Variants in GUSB observed in about 807,000 individuals in gnomAD.
The protein encoded by GUSB is beta-glucuronidase.
In GUSB, 51 loss-of-function variants were observed where a neutral mutation model predicts 74.6. That is an observed-to-expected ratio of 0.68 (90% CI 0.55 to 0.86). The LOEUF is 0.86. Ranked by LOEUF, GUSB falls within the 40% of genes least tolerant of loss-of-function variation. The probability of loss-of-function intolerance (pLI) is 0.00; values close to 1 mark genes in which losing one functional copy is unlikely to be tolerated. For missense variants in GUSB, 736 were observed against 853.7 expected (o/e 0.86, Z 1.72); for synonymous variants, 360 against 348.3 (o/e 1.03, Z -0.37).
chr7:65,980,185 G>GGGGGGGCCCCCCCCCC, intron 2 of GUSB, 39 bp downstream of exon 2: 2 of 725,274 alleles, frequency 2.8e-6, no homozygotes, highest in Non-Finnish European at 4.9e-6. Context: ...CAGCAGCCGT[G>GGGGGGGCCCCCCCCCC]CCCCCCCACC....
chr7:65,980,185 G>GGGGGGGGGCCCCCCCCCCCCCCCCCC, intron 2 of GUSB, 39 bp downstream of exon 2: 1 of 725,274 alleles, frequency 1.4e-6, no homozygotes, highest in Non-Finnish European at 2.4e-6. Flanking sequence ...CAGCAGCCGT[G>GGGGGGGGGCCCCCCCCCCCCCCCCCC]CCCCCCCACC....
In GUSB at chr7:65,976,010, A is replaced by G. The variant is rs779699231; in HGVS notation, c.912+5T>C. The G allele has an allele frequency of 5.6e-6, 9 of 1,612,998 alleles. No homozygotes were observed. In the South Asian group the frequency reaches 9.9e-5, roughly 18 times the overall value. On this transcript the variant is annotated splice_donor_5th_base_variant and intron_variant, in intron 5 of 11. Coordinates refer to ENST00000304895, the MANE Select transcript of GUSB (RefSeq NM_000181.4). ...TCCCTTAGGCATGTCCCAAACCACC[A>G]TTACCTCCAATGAATACAGATAGGC... is the stretch of plus-strand genomic sequence containing the variant.
At position 65,967,788 on chromosome 7, in the gene GUSB, A is replaced by G. The variant is rs1790931485; in HGVS notation, c.1596T>C (p.Tyr532=). The G allele has an allele frequency of 5.0e-6, 8 of 1,613,216 alleles. No homozygotes were observed. Among genetic ancestry groups the G allele is most frequent in the Non-Finnish European group, 5.9e-6 (7 of 1,179,810 alleles). The change falls in exon 10 of 12, where the codon TAT becomes TAC. Residue 532 remains tyrosine, a synonymous_variant. Transcript: ENST00000304895. ...ACTCGCTCTGAATAATGGGCTTCTG[A>G]TACTTCTTATACCAGTTCTCAAACT... ...ATQFENWYKK[Y]QKPIIQSEYG...
At chr7:65,980,093 C>T (rs1211831012) in intron 2 of GUSB, 131 bp downstream of exon 2, 2 of 1,025,224 alleles carry the variant, frequency 2.0e-6, no homozygotes, top group Non-Finnish European at 2.9e-6. Flanking sequence ...GGCACAGCCC[C>T]CAGGGCAGGG....
chr7:65,963,028 T>C (rs575941320), intron 11 of GUSB, among the ~76,000 whole-genome samples: 1 of 152,104 alleles, frequency 6.6e-6, no homozygotes, highest in African/African-American at 2.4e-5. Context: ...CCGGCTAATT[T>C]TGTATTTTTA....
At position 65,963,068 on chromosome 7, in the gene GUSB, T is replaced by G. The variant is rs541343440; in HGVS notation, c.1789+1255A>C. Among the ~76,000 whole-genome samples the G allele has an allele frequency of 2.6e-5, 4 of 152,092 alleles. No individual in the cohort carries two copies. The South Asian group carries it at 6.2e-4, about 24-fold the overall frequency. ...AGATGGGGTTTCTCCATGTTGGCCA[T>G]GCTGGTCTCAAACTCCTGACCTCAG... On this transcript the variant is annotated intron_variant, in intron 11 of 11. Transcript: ENST00000304895.
At chr7:65,969,137 T>C (rs1051673111) in intron 9 of GUSB, among the ~76,000 whole-genome samples, 5 of 152,126 alleles carry the variant, frequency 3.3e-5, no homozygotes, top group Non-Finnish European at 7.4e-5. Flanking sequence ...TCCCAGCACG[T>C]TGGGAGGCCA....
At chr7:65,971,838 C>G (rs1225478995) in intron 8 of GUSB, among the ~76,000 whole-genome samples, 1 of 151,656 alleles carries the variant, frequency 6.6e-6, no homozygotes, top group African/African-American at 2.4e-5. Flanking sequence ...GTTGGGAGTT[C>G]GAGACCAGCC....
At chr7:65,973,707 A>C (rs1404950080) in intron 8 of GUSB, among the ~76,000 whole-genome samples, 1 of 152,208 alleles carries the variant, frequency 6.6e-6, no homozygotes, top group Non-Finnish European at 1.5e-5. Flanking sequence ...CAGTGAGCTG[A>C]GATCATGCCC....
At chr7:65,966,344 G>T (rs544833190) in intron 10 of GUSB, among the ~76,000 whole-genome samples, 17 of 152,244 alleles carry the variant, frequency 1.1e-4, no homozygotes, top group South Asian at 4.1e-4. Flanking sequence ...GCTGTTCCCT[G>T]TGTGTCAACC....
intron 9 of GUSB, among the ~76,000 whole-genome samples, chr7:65,968,145 C>A (rs1432400181): frequency 6.7e-6 from 1 of 149,314 alleles, no homozygotes; most frequent in African/African-American, 2.5e-5. Context: ...GTAATCCCAG[C>A]ACATTGGGAG....
At chr7:65,970,878 G>C (rs1041388363) in intron 8 of GUSB, among the ~76,000 whole-genome samples, 13 of 151,352 alleles carry the variant, frequency 8.6e-5, no homozygotes, top group African/African-American at 2.9e-4. Context: ...CACAGAGCAA[G>C]ACCCTGTCTC....
intron 9 of GUSB, 93 bp from the exon 10 acceptor site, chr7:65,968,000 A>AT: frequency 9.5e-7 from 1 of 1,053,824 alleles, no homozygotes; most frequent in Non-Finnish European, 1.4e-6. Flanking sequence ...AGAGAAGGTA[A>AT]GGGGGATGTA....
At chr7:65,962,908 G>T (rs1447534411) in intron 11 of GUSB, among the ~76,000 whole-genome samples, 1 of 152,004 alleles carries the variant, frequency 6.6e-6, no homozygotes, top group African/African-American at 2.4e-5. Context: ...GCTCAAGCTG[G>T]AGTACAGTGC....
intron 11 of GUSB, among the ~76,000 whole-genome samples, chr7:65,962,355 G>C (rs1790554774): frequency 6.6e-6 from 1 of 152,178 alleles, no homozygotes; most frequent in Non-Finnish European, 1.5e-5. Context: ...TCTGTCCCCA[G>C]TAAGACCACC....
Position 65,982,153 on chromosome 7 carries a change from C to T in GUSB, c.31G>A (p.Ala11Thr). ...CAGCCCCACAACAACGGCCCGAGCG[C>T]CGCCCAGGCAACCGCCGACCCCCGG... MARGSAVAWA[A>T]LGPLLWGCAL... The change falls in exon 1 of 12, where the codon GCG becomes ACG. Residue 11 changes from alanine to threonine, a missense_variant. Coordinates refer to ENST00000304895, the MANE Select transcript of GUSB (RefSeq NM_000181.4). 6 of 1,529,924 alleles carry T rather than the reference C, an allele frequency of 3.9e-6. No homozygotes were observed. The highest frequency in any genetic ancestry group is 5.3e-6 in the Non-Finnish European group (6 of 1,137,964). The allele number at this position is 1,529,924 out of a possible 1,614,324, so 94.8% of individuals were successfully genotyped here.
intron 4 of GUSB, 95 bp downstream of exon 4, chr7:65,979,304 G>A: frequency 8.2e-7 from 1 of 1,223,272 alleles, no homozygotes; most frequent in Non-Finnish European, 1.2e-6. Context: ...GTGTAGAGAT[G>A]CTGGGAGCAC....
chr7:65,981,817 C>G (rs746817056), intron 1 of GUSB, 157 bp downstream of exon 1: 1 of 639,390 alleles, frequency 1.6e-6, no homozygotes, highest in African/African-American at 1.9e-5. Context: ...CCTGTTCCCC[C>G]GTCCCCCAAG....
chr7:65,980,031 G>C lies in GUSB; in HGVS notation c.397-120C>G, dbSNP rs548022773. On this transcript the variant is annotated intron_variant, in intron 2 of 11. Coordinates refer to ENST00000304895, the MANE Select transcript of GUSB (RefSeq NM_000181.4). The stretch of plus-strand genomic sequence containing the variant: ...GGCTCCGGGGCCTTCCAGCCAGACG[G>C]GAAGAATGACATCCCAATGGGGTAG... 2.8e-5 allele frequency: 28 copies of C among 982,464 alleles called. No homozygotes were observed. In the African/African-American group the frequency reaches 3.2e-4, roughly 11 times the overall value. 60.9% of individuals were successfully genotyped at this position (982,464 alleles called of 1,614,324 possible).
Sources: gnomAD v4.1 joint callset for allele counts (sites outside exome capture counted in the v4.1 genomes callset) on GRCh38, gnomAD v4.1.1 for gene constraint, MANE v1.5 for transcripts, NCBI Gene and HGNC (gene_info 2026-07-23, HGNC 2026-07-21) for gene names.